The following CNTN5 variants were observed in gnomAD, a reference collection of about 807,000 sequenced individuals.
CNTN5 encodes the protein contactin-5.
Under a neutral mutation model 129.1 loss-of-function variants are expected in CNTN5, and 77 were observed. The ratio of observed to expected loss-of-function variants is 0.60; its 90% CI spans 0.50 to 0.72. The LOEUF (loss-of-function observed/expected upper bound fraction) is 0.72, where lower values mean the gene tolerates loss of function less well. Among genes scored for constraint, CNTN5 ranks in the 30% least tolerant of loss-of-function variants. CNTN5 has a pLI of 0.00. For synonymous variants in CNTN5, 509 were observed against 465.6 expected (o/e 1.09, Z -1.20); for missense variants, 1,478 against 1,328.8 (o/e 1.11, Z -1.75).
chr11:99,676,447 T>G (rs1953287834), intron 3 of CNTN5, among the ~76,000 whole-genome samples: 1 of 152,142 alleles, frequency 6.6e-6, no homozygotes, highest in Non-Finnish European at 1.5e-5. Flanking sequence ...ATTATGGGAT[T>G]TTTCCAAGAA....
At chr11:99,578,748 G>C (rs1437620316) in intron 3 of CNTN5, among the ~76,000 whole-genome samples, 1 of 151,876 alleles carries the variant, frequency 6.6e-6, no homozygotes, top group Non-Finnish European at 1.5e-5. Context: ...CAGATGAGTA[G>C]GTTGCAAAAA....
At chr11:100,088,962 T>C (rs888477395) in intron 13 of CNTN5, among the ~76,000 whole-genome samples, 3 of 151,994 alleles carry the variant, frequency 2.0e-5, no homozygotes, top group Non-Finnish European at 4.4e-5. Context: ...ATATCCCCAA[T>C]TAAAAAAACA....
chr11:99,170,864 G>A (rs768820822), intron 1 of CNTN5, among the ~76,000 whole-genome samples: 1 of 152,174 alleles, frequency 6.6e-6, no homozygotes, highest in Non-Finnish European at 1.5e-5. Context: ...TGATCATGAA[G>A]TCATGGTGTT....
intron 10 of CNTN5, 23 bp downstream of exon 10, chr11:100,061,416 G>A (rs748422149): frequency 1.3e-6 from 2 of 1,508,610 alleles, no homozygotes; most frequent in South Asian, 2.5e-5. Flanking sequence ...AGCAAAGCAT[G>A]ATTGCTCTAG....
chr11:99,081,340 C>G (rs940086744), intron 1 of CNTN5, among the ~76,000 whole-genome samples: 34 of 152,142 alleles, frequency 2.2e-4, no homozygotes, highest in Admixed American at 2.0e-3. Flanking sequence ...AATATCCTTA[C>G]TTCCATAAAC....
Position 100,341,133 on chromosome 11 carries a change from A to G in CNTN5, c.2958A>G (p.Gln986=). ...QAPSNLRWEQ[Q]GSQVSLGWEP... ...CTAGCAACCTCAGGTGGGAGCAGCAAGGCTCTCAGGTTTCTCTGGGCTGGG... is the reference window on the plus strand; with the variant it reads ...CTAGCAACCTCAGGTGGGAGCAGCAGGGCTCTCAGGTTTCTCTGGGCTGGG... Residue 986 remains glutamine, a synonymous_variant, in exon 23 of 25, where the codon CAA becomes CAG. Transcript: ENST00000524871. 6.2e-7 allele frequency: 1 copy of G among 1,613,902 alleles called. No individual in the cohort carries two copies. Among genetic ancestry groups the G allele is most frequent in the Middle Eastern group, 1.7e-4 (1 of 6,060 alleles).
chr11:100,320,646 A>G (rs1480262194), intron 21 of CNTN5, among the ~76,000 whole-genome samples: 2 of 152,086 alleles, frequency 1.3e-5, no homozygotes, highest in Non-Finnish European at 2.9e-5. Context: ...CCAAGGTCAT[A>G]GAGCTTTTCT....
chr11:99,587,063 A>G (rs1409398088), intron 3 of CNTN5, among the ~76,000 whole-genome samples: 4 of 151,744 alleles, frequency 2.6e-5, no homozygotes, highest in African/African-American at 9.7e-5. Context: ...GGATCAGTTA[A>G]CCATTTATGA....
chr11:99,418,644 T>A (rs1206746934), intron 2 of CNTN5, among the ~76,000 whole-genome samples: 2 of 152,200 alleles, frequency 1.3e-5, no homozygotes, highest in African/African-American at 4.8e-5. Context: ...TTGGAAACCA[T>A]TTCAACTGTC....
At chr11:99,342,858 A>C (rs1316507935) in intron 2 of CNTN5, among the ~76,000 whole-genome samples, 1 of 152,204 alleles carries the variant, frequency 6.6e-6, no homozygotes, top group African/African-American at 2.4e-5. Context: ...AGACAAACTT[A>C]AGGTGTTGTT....
At chr11:100,158,838 C>A (rs1482619832) in intron 13 of CNTN5, among the ~76,000 whole-genome samples, 1 of 151,714 alleles carries the variant, frequency 6.6e-6, no homozygotes, top group Non-Finnish European at 1.5e-5. Flanking sequence ...TGCAAATATA[C>A]CACTAATCTG....
intron 2 of CNTN5, among the ~76,000 whole-genome samples, chr11:99,468,250 T>G (rs774261551): frequency 1.3e-4 from 20 of 152,146 alleles, no homozygotes; most frequent in Non-Finnish European, 2.6e-4. Flanking sequence ...TATACATGTC[T>G]CCATTCTGTG....
At chr11:99,402,355 G>T (rs1015576113) in intron 2 of CNTN5, among the ~76,000 whole-genome samples, 3 of 152,024 alleles carry the variant, frequency 2.0e-5, no homozygotes, top group African/African-American at 7.2e-5. Context: ...ACATTCTGTT[G>T]ATCTGATGTA....
intron 1 of CNTN5, among the ~76,000 whole-genome samples, chr11:99,178,203 G>T (rs1857871574): frequency 6.7e-6 from 1 of 149,822 alleles, no homozygotes; most frequent in Non-Finnish European, 1.5e-5. Context: ...ACTCTAGGCT[G>T]GGCACCATAG....
At chr11:100,086,586 A>G (rs1490350211) in intron 13 of CNTN5, among the ~76,000 whole-genome samples, 2 of 151,280 alleles carry the variant, frequency 1.3e-5, no homozygotes, top group African/African-American at 4.8e-5. Flanking sequence ...ATGAGATAAT[A>G]GAAAGCATAA....
intron 6 of CNTN5, among the ~76,000 whole-genome samples, chr11:99,889,079 T>C (rs1217058438): frequency 2.0e-5 from 3 of 152,160 alleles, no homozygotes; most frequent in African/African-American, 7.2e-5. Context: ...ATTTTACAAG[T>C]ATAGAGAGCA....
At chr11:99,179,103 T>C (rs946557227) in intron 1 of CNTN5, among the ~76,000 whole-genome samples, 2 of 152,202 alleles carry the variant, frequency 1.3e-5, no homozygotes, top group Non-Finnish European at 2.9e-5. Context: ...AAACAGTAAT[T>C]GTATTCATTA....
At chr11:99,288,482 C>A (rs1010747101) in intron 1 of CNTN5, among the ~76,000 whole-genome samples, 4 of 151,856 alleles carry the variant, frequency 2.6e-5, no homozygotes, top group African/African-American at 4.8e-5. Context: ...TATTTGATAT[C>A]ATCTTGAGCT....
At chr11:99,601,973 ATATATACC>A (rs1371433803) in intron 3 of CNTN5, among the ~76,000 whole-genome samples, 1 of 152,182 alleles carries the variant, frequency 6.6e-6, no homozygotes, top group Non-Finnish European at 1.5e-5. Flanking sequence ...CCTATATACT[ATATATACC>A]TATATACCTA....
Sources: allele counts gnomAD v4.1 joint callset (sites outside exome capture counted in the v4.1 genomes callset), GRCh38; gene constraint gnomAD v4.1.1; transcripts MANE v1.5; gene names NCBI Gene and HGNC (gene_info 2026-07-23, HGNC 2026-07-21).